Variants in UBXN8 observed in about 807,000 individuals in gnomAD.
UBXN8 encodes UBX domain protein 8, also known as UBX domain-containing protein 8.
A neutral mutation model predicts 32.1 loss-of-function variants in UBXN8; 27 were observed. That is an observed-to-expected ratio of 0.84 (90% confidence interval 0.62 to 1.16). The LOEUF is 1.16. Ranked by LOEUF, UBXN8 falls within the 50% of genes most tolerant of loss-of-function variation. The pLI is 0.00. For synonymous variants in UBXN8, 109 were observed against 111.8 expected (o/e 0.98, Z 0.16); for missense variants, 306 against 311.4 (o/e 0.98, Z 0.13).
intron 5 of UBXN8, among the ~76,000 whole-genome samples, chr8:30,760,246 A>C (rs1418428258): frequency 3.4e-5 from 5 of 148,062 alleles, no homozygotes; most frequent in Non-Finnish European, 7.4e-5. Context: ...ATTTTTGTAG[A>C]GACGGGGTTT....
chr8:30,751,588 A>G, intron 2 of UBXN8, 70 bp downstream of exon 2: 1 of 1,279,058 alleles, frequency 7.8e-7, no homozygotes, highest in Non-Finnish European at 1.1e-6. Flanking sequence ...AACTTTGCAC[A>G]GTAAGAGCCA....
intron 1 of UBXN8, among the ~76,000 whole-genome samples, chr8:30,745,363 A>G (rs1343772167): frequency 6.6e-6 from 1 of 152,190 alleles, no homozygotes; most frequent in African/African-American, 2.4e-5. Flanking sequence ...TAAAGGGGAA[A>G]TGGAAAGAAA....
intron 7 of UBXN8, 151 bp downstream of exon 7, chr8:30,763,498 A>G (rs1320066915): frequency 3.8e-6 from 1 of 264,224 alleles, no homozygotes; most frequent in African/African-American, 2.3e-5. Flanking sequence ...CACGTTGCAG[A>G]AATTTGGCTA....
chr8:30,731,265 T>C (rs780767600), upstream of UBXN8, among the ~76,000 whole-genome samples: 3 of 151,906 alleles, frequency 2.0e-5, no homozygotes, highest in East Asian at 5.8e-4. Flanking sequence ...AGGATGACAG[T>C]TGGGGGTAAA....
chr8:30,742,227 T>C (rs578141191), upstream of UBXN8, among the ~76,000 whole-genome samples: 29 of 152,346 alleles, frequency 1.9e-4, no homozygotes, highest in African/African-American at 6.7e-4. Context: ...TACCTCACCC[T>C]TACTGATCTT....
chr8:30,751,614 G>T (rs1387900707), intron 2 of UBXN8, 96 bp downstream of exon 2: 3 of 1,029,078 alleles, frequency 2.9e-6, no homozygotes, highest in Non-Finnish European at 4.0e-6. Flanking sequence ...CTATTAATTT[G>T]TGATGTGTAG....
chr8:30,736,477 CTTTTTAT>C (rs1408636615), intron 1 of UBXN8, among the ~76,000 whole-genome samples: 1 of 151,900 alleles, frequency 6.6e-6, no homozygotes, highest in East Asian at 1.9e-4. Context: ...TTTATTTTTA[CTTTTTAT>C]TTTTTTGAGA....
Position 30,751,457 on chromosome 8 carries a change from A to C in UBXN8, c.150A>C (p.Leu50Phe), listed in dbSNP as rs1805520732. Reference sequence around the variant, plus strand: ...TGCTACTGCTTGCTCTTCTTACTTTAACTATTTCTGTGACTACCTCATGGC... The same window carrying C: ...TGCTACTGCTTGCTCTTCTTACTTTCACTATTTCTGTGACTACCTCATGGC... The part of the protein sequence containing the change: ...RILLLLALLT[L>F]TISVTTSWLN... The change falls in exon 2 of 8, where the codon TTA becomes TTC. Residue 50 changes from leucine (L) to phenylalanine (F), a missense_variant. Physicochemically the swap from Leu to Phe is conservative, Grantham distance 22. Coordinates refer to ENST00000265616, the MANE Select transcript of UBXN8 (RefSeq NM_005671.4). 1 of 1,610,274 alleles carries C rather than the reference A, an allele frequency of 6.2e-7. No homozygotes were observed.
chr8:30,766,950 T>G lies in UBXN8; in HGVS notation c.*556T>G, dbSNP rs1170402173. On this transcript the variant is annotated 3_prime_UTR_variant, in exon 8 of 8. Coordinates refer to ENST00000265616, the MANE Select transcript of UBXN8 (RefSeq NM_005671.4). ...TAAATGTTACAAAGTTCCAAATGAA[T>G]CAGTATTTTAAAAAATAAAACTATG... 1 of 152,182 alleles carries G rather than the reference T, an allele frequency of 6.6e-6. No individual in the cohort carries two copies. The highest frequency in any genetic ancestry group is 2.4e-5 in the African/African-American group (1 of 41,440). 9.4% of individuals were successfully genotyped at this position (152,182 alleles called of 1,614,324 possible). A position where few individuals can be genotyped will look rare whatever the true frequency, so the allele number is the denominator to read the frequency against.
intron 1 of UBXN8, among the ~76,000 whole-genome samples, chr8:30,746,270 A>G (rs1805354836): frequency 6.7e-6 from 1 of 149,556 alleles, no homozygotes; most frequent in African/African-American, 2.5e-5. Flanking sequence ...TCCTCTTTTC[A>G]GTTTTCTTTT....
At chr8:30,760,433 A>ATTTTT (rs1298431012) in intron 5 of UBXN8, among the ~76,000 whole-genome samples, 2 of 39,596 alleles carry the variant, frequency 5.1e-5, no homozygotes, top group African/African-American at 2.6e-4. Context: ...ATATATATAT[A>ATTTTT]TATATATATA....
intron 1 of UBXN8, among the ~76,000 whole-genome samples, chr8:30,736,060 T>C (rs1805064404): frequency 6.6e-6 from 1 of 152,202 alleles, no homozygotes; most frequent in Non-Finnish European, 1.5e-5. Context: ...ATGAAGATAA[T>C]TGCAGTCACT....
intron 1 of UBXN8, among the ~76,000 whole-genome samples, chr8:30,746,125 T>G (rs1160451196): frequency 2.0e-5 from 3 of 152,160 alleles, no homozygotes; most frequent in Non-Finnish European, 2.9e-5. Context: ...GTGTCTAGTT[T>G]AATAGAACTA....
At chr8:30,764,910 C>T (rs185687278) in intron 7 of UBXN8, among the ~76,000 whole-genome samples, 159 of 152,034 alleles carry the variant, frequency 1.0e-3, no homozygotes, top group African/African-American at 3.7e-3. Context: ...ATTAGCCGGA[C>T]GTGGTGGTGC....
At chr8:30,763,195 TGCTTA>T in intron 6 of UBXN8, 73 bp from the exon 7 acceptor site, 1 of 1,418,956 alleles carries the variant, frequency 7.0e-7, no homozygotes, top group East Asian at 2.3e-5. Flanking sequence ...CCTTTTTAGC[TGCTTA>T]GCTGTTTTAT....
intron 5 of UBXN8, among the ~76,000 whole-genome samples, chr8:30,757,853 C>T (rs1805703777): frequency 6.8e-6 from 1 of 147,906 alleles, no homozygotes; most frequent in South Asian, 2.2e-4. Flanking sequence ...GAGTGAGACT[C>T]CGTCTCAAAA....
At chr8:30,731,207 T>C (rs1481221082), upstream of UBXN8, among the ~76,000 whole-genome samples, 1 of 152,136 alleles carries the variant, frequency 6.6e-6, no homozygotes, top group Admixed American at 6.5e-5. Context: ...AGAAGGGTTA[T>C]TGGACTGAGG....
chr8:30,732,375 G>A (rs1347469990), upstream of UBXN8: 5 of 395,642 alleles, frequency 1.3e-5, no homozygotes, highest in Non-Finnish European at 2.2e-5. Flanking sequence ...CAGCAGGTAC[G>A]TTACTTGGGA....
intron 1 of UBXN8, among the ~76,000 whole-genome samples, chr8:30,749,748 G>A (rs1805469532): frequency 6.6e-6 from 1 of 151,908 alleles, no homozygotes; most frequent in Non-Finnish European, 1.5e-5. Context: ...TGGGACTACA[G>A]GTACCCGCCA....
Sources: allele counts gnomAD v4.1 joint callset (sites outside exome capture counted in the v4.1 genomes callset), GRCh38; gene constraint gnomAD v4.1.1; transcripts MANE v1.5; gene names NCBI Gene and HGNC (gene_info 2026-07-23, HGNC 2026-07-21).